SORBS2: variants seen among roughly 807,000 people sequenced by gnomAD.
SORBS2 encodes sorbin and SH3 domain-containing protein 2.
In SORBS2, 46 loss-of-function variants were observed where a neutral mutation model predicts 97.7. That is an observed-to-expected ratio of 0.47 (90% confidence interval 0.37 to 0.60). SORBS2 has a LOEUF of 0.60. Ranked by LOEUF, SORBS2 falls within the 20% of genes least tolerant of loss-of-function variation. The pLI is 0.00. For missense variants in SORBS2, 1,316 were observed against 1,282.3 expected (o/e 1.03, Z -0.40); for synonymous variants, 476 against 473.4 (o/e 1.01, Z -0.07).
intron 2 of SORBS2, among the ~76,000 whole-genome samples, chr4:185,683,318 G>A (rs546737709): frequency 2.6e-5 from 4 of 151,772 alleles, no homozygotes; most frequent in South Asian, 2.1e-4. Context: ...GTTCAGTTTC[G>A]ACTCTCCACA....
chr4:185,769,937 G>A (rs906196765), intron 2 of SORBS2, among the ~76,000 whole-genome samples: 3 of 150,928 alleles, frequency 2.0e-5, no homozygotes, highest in Non-Finnish European at 4.4e-5. Context: ...CAGGCTTTCA[G>A]TTGCCACCTA....
intron 5 of SORBS2, among the ~76,000 whole-genome samples, chr4:185,629,262 G>A (rs1311086168): frequency 6.6e-6 from 1 of 152,092 alleles, no homozygotes; most frequent in Non-Finnish European, 1.5e-5. Flanking sequence ...GGGTCTGTGT[G>A]TCTTTACGGC....
At position 185,624,563 on chromosome 4, in the gene SORBS2, G is replaced by C. The variant is rs1229791414; in HGVS notation, c.635-69C>G. Reference sequence around the variant, plus strand: ...AGTTAAAAGGTTCACAAAGAGAGGAGAGCATGTCAGTAAAGCATCAGACAG... The same window carrying C: ...AGTTAAAAGGTTCACAAAGAGAGGACAGCATGTCAGTAAAGCATCAGACAG... On this transcript the variant is annotated intron_variant, in intron 6 of 14. Transcript: ENST00000418609. 2.0e-6 allele frequency: 3 copies of C among 1,468,772 alleles called. No homozygotes were observed. In the East Asian group the frequency reaches 6.9e-5, roughly 34 times the overall value. 91.0% of individuals were successfully genotyped at this position (1,468,772 alleles called of 1,614,324 possible). A position where few individuals can be genotyped will look rare whatever the true frequency, so the allele number is the denominator to read the frequency against.
At chr4:185,597,349 G>T (rs547669394) in intron 12 of SORBS2, among the ~76,000 whole-genome samples, 21 of 152,028 alleles carry the variant, frequency 1.4e-4, no homozygotes, top group African/African-American at 4.1e-4. Context: ...CTGTGTAAAG[G>T]TGTCCGTCAT....
At chr4:185,701,282 G>A (rs2098258233) in intron 2 of SORBS2, among the ~76,000 whole-genome samples, 1 of 152,164 alleles carries the variant, frequency 6.6e-6, no homozygotes, top group South Asian at 2.1e-4. Flanking sequence ...CCTGGTTTTA[G>A]CTCCAGGGTA....
intron 4 of SORBS2, among the ~76,000 whole-genome samples, chr4:185,639,554 A>G (rs2097093125): frequency 6.6e-6 from 1 of 152,218 alleles, no homozygotes; most frequent in Non-Finnish European, 1.5e-5. Flanking sequence ...CAAATAATAC[A>G]TGGCTGACTA....
intron 1 of SORBS2, among the ~76,000 whole-genome samples, chr4:185,866,692 T>C (rs946404460): frequency 4.6e-5 from 7 of 152,256 alleles, no homozygotes; most frequent in African/African-American, 1.7e-4. Flanking sequence ...TTATACTTTA[T>C]GACAAGCTAC....
At chr4:185,920,860 G>A (rs777001820) in intron 1 of SORBS2, among the ~76,000 whole-genome samples, 1 of 152,160 alleles carries the variant, frequency 6.6e-6, no homozygotes, top group Non-Finnish European at 1.5e-5. Flanking sequence ...GGTAACAAAA[G>A]TCATCTGTAC....
chr4:185,740,537 A>G (rs2153583837), intron 2 of SORBS2, among the ~76,000 whole-genome samples: 2 of 152,328 alleles, frequency 1.3e-5, no homozygotes, highest in Admixed American at 1.3e-4. Flanking sequence ...AAGGTCATCC[A>G]ATCTGCGCTG....
At position 185,606,536 on chromosome 4, in the gene SORBS2, T is replaced by C. The variant is rs1172411026; in HGVS notation, c.2796+5244A>G. On this transcript the variant is annotated intron_variant, in intron 12 of 14. Transcript: ENST00000418609. The surrounding 1 kb of genome is among the most constrained non-coding windows in gnomAD (Gnocchi z 4.3). ...TAATATGATTAACTCTAATAGCTAATCATGGTAAGGCCGGTTAGTTCTTCC... is the reference window on the plus strand; with the variant it reads ...TAATATGATTAACTCTAATAGCTAACCATGGTAAGGCCGGTTAGTTCTTCC... 1.0e-6 allele frequency: 1 copy of C among 985,016 alleles called. No individual in the cohort carries two copies. The highest frequency in any genetic ancestry group is 1.7e-5 in the African/African-American group (1 of 57,240). The allele number at this position is 985,016 out of a possible 1,614,324, so 61.0% of individuals were successfully genotyped here.
intron 1 of SORBS2, chr4:185,894,371 T>C (rs914101085): frequency 1.3e-5 from 2 of 152,044 alleles, no homozygotes; most frequent in Non-Finnish European, 2.9e-5. Flanking sequence ...ACAAATTGGT[T>C]GGCTTCAGAA....
chr4:185,722,664 A>G (rs1467673033), intron 2 of SORBS2, among the ~76,000 whole-genome samples: 1 of 152,198 alleles, frequency 6.6e-6, no homozygotes, highest in African/African-American at 2.4e-5. Context: ...TGAAGAGCCC[A>G]TAAGGAACCT....
intron 2 of SORBS2, among the ~76,000 whole-genome samples, chr4:185,701,740 A>G (rs13127592): frequency 0.23 from 35,362 of 151,694 alleles, 4,843 homozygotes; most frequent in Non-Finnish European, 0.3. Flanking sequence ...AGGGCAAACA[A>G]TAATGGATGG....
At chr4:185,759,549 A>G (rs1342392235) in intron 2 of SORBS2, among the ~76,000 whole-genome samples, 1 of 152,162 alleles carries the variant, frequency 6.6e-6, no homozygotes, top group African/African-American at 2.4e-5. Context: ...ATAGTGAATG[A>G]TGGTGAATGA....
At chr4:185,600,495 G>T (rs2096236821) in intron 12 of SORBS2, among the ~76,000 whole-genome samples, 1 of 152,014 alleles carries the variant, frequency 6.6e-6, no homozygotes, top group African/African-American at 2.4e-5. Flanking sequence ...CCCGCCACCA[G>T]GCCCAGCTAA....
chr4:185,847,719 T>C (rs1459302247), intron 1 of SORBS2, among the ~76,000 whole-genome samples: 2 of 152,090 alleles, frequency 1.3e-5, no homozygotes, highest in Non-Finnish European at 2.9e-5. Context: ...GCAGACTGTT[T>C]AGCAATGAGT....
chr4:185,657,414 C>T, upstream of SORBS2: 1 of 1,530,388 alleles, frequency 6.5e-7, no homozygotes, highest in Non-Finnish European at 8.7e-7. Flanking sequence ...CACACGCTGG[C>T]ATTTCCTACC....
At chr4:185,679,411 G>A (rs2097841667) in intron 2 of SORBS2, among the ~76,000 whole-genome samples, 1 of 152,114 alleles carries the variant, frequency 6.6e-6, no homozygotes, top group African/African-American at 2.4e-5. Context: ...ATGTTCCACT[G>A]TCTTTCAGCT....
At chr4:185,853,409 T>C (rs1305569410) in intron 1 of SORBS2, among the ~76,000 whole-genome samples, 1 of 152,176 alleles carries the variant, frequency 6.6e-6, no homozygotes, top group Non-Finnish European at 1.5e-5. Flanking sequence ...AGTTCGTTCA[T>C]ATACAGAATT....
Sources: allele counts gnomAD v4.1 joint callset (sites outside exome capture counted in the v4.1 genomes callset), GRCh38; gene constraint gnomAD v4.1.1; non-coding constraint Gnocchi (gnomAD v3.1); transcripts MANE v1.5; gene names NCBI Gene and HGNC (gene_info 2026-07-23, HGNC 2026-07-21).